The following CDH13 variants were observed in gnomAD, a reference collection of about 807,000 sequenced individuals.
The protein encoded by CDH13 is cadherin-13.
Under a neutral mutation model 63.8 loss-of-function variants are expected in CDH13, and 24 were observed. The ratio of observed to expected loss-of-function variants is 0.38; its 90% CI spans 0.27 to 0.53. CDH13 has a LOEUF of 0.53. CDH13 is among the 20% of genes least tolerant of loss of function. The pLI, the probability that CDH13 is intolerant of heterozygous loss-of-function variation, is 0.85. For synonymous variants in CDH13, 503 were observed against 355.3 expected, an observed-to-expected ratio of 1.42 and a Z score of -4.67; for missense variants, 1,049 against 903.1, an observed-to-expected ratio of 1.16 and a Z score of -2.07.
rs993091213 is a variant in CDH13 at position 83,800,312 on chromosome 16, C to T, written c.*5282C>T. 3.3e-5 allele frequency: 5 copies of T among 152,168 alleles called. No homozygotes were observed. The highest frequency in any genetic ancestry group is 2.0e-4 in the Admixed American group (3 of 15,270). The allele number at this position is 152,168 out of a possible 1,614,324, so 9.4% of individuals were successfully genotyped here. On this transcript the variant is annotated 3_prime_UTR_variant, in exon 14 of 14. Coordinates refer to ENST00000567109, the MANE Select transcript of CDH13 (RefSeq NM_001257.5). ...CTAAAGCCATTCTATATCTGTCGTACACATGAATTCAGACTATTATTAGAG... is the reference window on the plus strand; with the variant it reads ...CTAAAGCCATTCTATATCTGTCGTATACATGAATTCAGACTATTATTAGAG...
chr16:83,466,233 T>A (rs1383310041), intron 6 of CDH13, among the ~76,000 whole-genome samples: 1 of 152,192 alleles, frequency 6.6e-6, no homozygotes, highest in Non-Finnish European at 1.5e-5. Flanking sequence ...ATTTTAGAAC[T>A]GTTGTGCCAA....
chr16:83,320,393 C>A (rs190660469), intron 5 of CDH13, among the ~76,000 whole-genome samples: 41 of 152,188 alleles, frequency 2.7e-4, no homozygotes, highest in Admixed American at 5.2e-4. Flanking sequence ...CTTATTGTCC[C>A]AAGACCAATC....
intron 2 of CDH13, among the ~76,000 whole-genome samples, chr16:82,880,114 T>G (rs1007546845): frequency 6.6e-6 from 1 of 151,778 alleles, no homozygotes; most frequent in African/African-American, 2.4e-5. Context: ...TTGAGCCATG[T>G]GAGCAAATGA....
chr16:83,134,976 T>C (rs756655025), intron 4 of CDH13, among the ~76,000 whole-genome samples: 14 of 152,236 alleles, frequency 9.2e-5, no homozygotes, highest in Non-Finnish European at 2.1e-4. Flanking sequence ...ATTATGAACA[T>C]CTGGCCTCAG....
At chr16:83,163,914 A>T (rs1271278262) in intron 4 of CDH13, among the ~76,000 whole-genome samples, 1 of 152,274 alleles carries the variant, frequency 6.6e-6, no homozygotes, top group Middle Eastern at 3.4e-3. Context: ...CAACATCATC[A>T]TCATCATCGC....
At chr16:82,816,817 T>TG (rs34249479) in intron 1 of CDH13, among the ~76,000 whole-genome samples, 53 of 73,030 alleles carry the variant, frequency 7.3e-4, no homozygotes, top group Non-Finnish European at 2.4e-4. Flanking sequence ...GGGCGGGGGG[T>TG]GGGGGGGAAT....
chr16:83,463,670 G>A (rs2073236873), intron 6 of CDH13, among the ~76,000 whole-genome samples: 1 of 152,154 alleles, frequency 6.6e-6, no homozygotes, highest in African/African-American at 2.4e-5. Context: ...GGGCATGGTG[G>A]TGCACACCTG....
At chr16:82,675,858 G>A (rs368230849) in intron 1 of CDH13, among the ~76,000 whole-genome samples, 3 of 152,288 alleles carry the variant, frequency 2.0e-5, no homozygotes, top group African/African-American at 7.2e-5. Context: ...AAAGAAATGG[G>A]TATTGCTCTT....
intron 5 of CDH13, among the ~76,000 whole-genome samples, chr16:83,342,866 T>TTTTTTTTTTTTTTTTC (rs2090758287): frequency 8.2e-6 from 1 of 121,858 alleles, no homozygotes; most frequent in Non-Finnish European, 1.8e-5. Context: ...TTTTTTTTTT[T>TTTTTTTTTTTTTTTTC]TGGTTGAGTT....
chr16:83,364,978 C>G (rs116241583), intron 6 of CDH13, among the ~76,000 whole-genome samples: 1 of 152,150 alleles, frequency 6.6e-6, no homozygotes, highest in Admixed American at 6.5e-5. Context: ...GCTTAAAACC[C>G]AGGTGTTGGG....
intron 5 of CDH13, among the ~76,000 whole-genome samples, chr16:83,310,383 GA>G (rs1162631509): frequency 6.6e-6 from 1 of 152,152 alleles, no homozygotes; most frequent in East Asian, 1.9e-4. Context: ...GTAAAGATCT[GA>G]AAATTCTGTG....
intron 7 of CDH13, among the ~76,000 whole-genome samples, chr16:83,541,234 T>G (rs1477103504): frequency 1.3e-5 from 2 of 152,298 alleles, no homozygotes; most frequent in South Asian, 4.1e-4. Flanking sequence ...TGCCCAACAC[T>G]CTTCCTTAGA....
At chr16:83,054,800 A>T (rs1399947087) in intron 3 of CDH13, among the ~76,000 whole-genome samples, 4 of 152,180 alleles carry the variant, frequency 2.6e-5, no homozygotes, top group Non-Finnish European at 4.4e-5. Flanking sequence ...TAAATATAAA[A>T]AAGAGTAATA....
At chr16:83,070,662 A>G (rs1317587784) in intron 3 of CDH13, among the ~76,000 whole-genome samples, 1 of 152,172 alleles carries the variant, frequency 6.6e-6, no homozygotes, top group Non-Finnish European at 1.5e-5. Flanking sequence ...CAATGCTGAG[A>G]CGCCCAAGAA....
chr16:83,295,626 A>G (rs1029822169), intron 5 of CDH13, among the ~76,000 whole-genome samples: 3 of 152,218 alleles, frequency 2.0e-5, no homozygotes, highest in Non-Finnish European at 2.9e-5. Context: ...ACAATGAGAT[A>G]TCACCTCATA....
intron 13 of CDH13, among the ~76,000 whole-genome samples, chr16:83,790,487 C>T (rs1803391084): frequency 1.3e-5 from 2 of 152,306 alleles, no homozygotes; most frequent in South Asian, 4.1e-4. Flanking sequence ...GCAAGCTCCA[C>T]CTCCCGGATT....
At chr16:83,745,892 C>G (rs1387935273) in intron 10 of CDH13, among the ~76,000 whole-genome samples, 2 of 152,130 alleles carry the variant, frequency 1.3e-5, no homozygotes, top group African/African-American at 4.8e-5. Flanking sequence ...AAGTAAGATC[C>G]TTCAGGTGAA....
intron 7 of CDH13, among the ~76,000 whole-genome samples, chr16:83,519,628 A>G (rs546777030): frequency 6.6e-6 from 1 of 152,298 alleles, no homozygotes; most frequent in South Asian, 2.1e-4. Flanking sequence ...AGTTAAACCT[A>G]TTTCTAAAAT....
chr16:83,173,269 G>A (rs2037997094), intron 4 of CDH13, among the ~76,000 whole-genome samples: 1 of 152,074 alleles, frequency 6.6e-6, no homozygotes, highest in African/African-American at 2.4e-5. Flanking sequence ...CCCTGGGGGT[G>A]ACATTTAAAC....
Sources: gnomAD v4.1 joint callset for allele counts (sites outside exome capture counted in the v4.1 genomes callset) on GRCh38, gnomAD v4.1.1 for gene constraint, MANE v1.5 for transcripts, NCBI Gene and HGNC (gene_info 2026-07-23, HGNC 2026-07-21) for gene names.